The following MTCL1 variants were observed in gnomAD, a reference collection of about 807,000 sequenced individuals.
The protein encoded by MTCL1 is microtubule crosslinking factor 1, also known as microtubule cross-linking factor 1.
In MTCL1, 79 loss-of-function variants were observed where a neutral mutation model predicts 141.4. The ratio of observed to expected loss-of-function variants is 0.56; its 90% CI spans 0.47 to 0.67. The LOEUF is 0.67. Ranked by LOEUF, MTCL1 falls within the 30% of genes least tolerant of loss-of-function variation. The probability of loss-of-function intolerance (pLI) is 0.00; values close to 1 mark genes in which losing one functional copy is unlikely to be tolerated. For missense variants in MTCL1, 2,177 were observed against 2,113.9 expected, an observed-to-expected ratio of 1.03 and a Z score of -0.59; for synonymous variants, 914 against 875.8, an observed-to-expected ratio of 1.04 and a Z score of -0.77.
At chr18:8,730,623 C>T (rs962273593) in intron 4 of MTCL1, among the ~76,000 whole-genome samples, 14 of 152,206 alleles carry the variant, frequency 9.2e-5, no homozygotes, top group South Asian at 4.1e-4. Flanking sequence ...GCTTGGACAA[C>T]GCCGGCTTGT....
At position 8,753,341 on chromosome 18, in the gene MTCL1, G is replaced by A. The variant is rs932106100; in HGVS notation, c.358-24492G>A. Among the ~76,000 whole-genome samples, 5 of 152,210 alleles carry A rather than the reference G, an allele frequency of 3.3e-5. No individual in the cohort carries two copies. In the East Asian group the frequency reaches 9.6e-4, roughly 29 times the overall value. The stretch of plus-strand genomic sequence containing the variant: ...ATTGTTTGAAATAAAGGTATTGACA[G>A]ATCTGGGATTTGATTTTACTGTACT... On this transcript the variant is annotated intron_variant, in intron 4 of 16. Coordinates refer to ENST00000359865, the Ensembl canonical transcript of MTCL1.
chr18:8,765,306 GAC>G (rs993689034), intron 4 of MTCL1, among the ~76,000 whole-genome samples: 5 of 152,250 alleles, frequency 3.3e-5, no homozygotes, highest in African/African-American at 1.2e-4. Context: ...CTATGCCAGA[GAC>G]ACACTCACGC....
chr18:8,825,353 T>A, exon 15 of MTCL1: 3 of 1,537,742 alleles, frequency 2.0e-6, no homozygotes, highest in Non-Finnish European at 2.6e-6. Context: ...AGAACTTGAG[T>A]GATGACATGA....
At chr18:8,751,699 G>A (rs1316997617) in intron 4 of MTCL1, among the ~76,000 whole-genome samples, 1 of 152,202 alleles carries the variant, frequency 6.6e-6, no homozygotes, top group Non-Finnish European at 1.5e-5. Flanking sequence ...GATGTGGGGG[G>A]TACAGTTGAA....
rs757300703 is a variant in MTCL1 at position 8,779,366 on chromosome 18, C to G, written c.417+1474C>G. Among the ~76,000 whole-genome samples the G allele has an allele frequency of 9.2e-5, 14 of 152,170 alleles. No individual in the cohort carries two copies. Among genetic ancestry groups the G allele is most frequent in the Non-Finnish European group, 1.6e-4 (11 of 68,022 alleles). On this transcript the variant is annotated intron_variant, in intron 5 of 16. Coordinates refer to ENST00000359865, the Ensembl canonical transcript of MTCL1. The surrounding 1 kb of genome is among the most constrained non-coding windows in gnomAD (Gnocchi z 4.1). ...TTCCTGGGGCTATCCAATGATCTCT[C>G]GAAACCAGAAATGATATGCTTCAGT...
chr18:8,778,292 T>C (rs1311397451), intron 5 of MTCL1, among the ~76,000 whole-genome samples: 2 of 152,258 alleles, frequency 1.3e-5, no homozygotes, highest in Non-Finnish European at 2.9e-5. Flanking sequence ...TGTTGTTTTT[T>C]AAATGTGCAA....
At chr18:8,827,901 CGTAAA>C (rs1291066139) in intron 15 of MTCL1, among the ~76,000 whole-genome samples, 4 of 152,144 alleles carry the variant, frequency 2.6e-5, no homozygotes, top group African/African-American at 7.2e-5. Flanking sequence ...TTTTGTCCTC[CGTAAA>C]GTATTCATTT....
upstream of MTCL1, among the ~76,000 whole-genome samples, chr18:8,715,860 C>T (rs2096125429): frequency 6.6e-6 from 1 of 152,162 alleles, no homozygotes; most frequent in South Asian, 2.1e-4. Flanking sequence ...TAACAACCTC[C>T]TGTTTGTGGA....
At chr18:8,792,311 G>C (rs2075758609) in intron 7 of MTCL1, among the ~76,000 whole-genome samples, 1 of 152,148 alleles carries the variant, frequency 6.6e-6, no homozygotes, top group Admixed American at 6.5e-5. Flanking sequence ...GAACATAAAA[G>C]GTAGACTTTA....
At chr18:8,814,244 G>C (rs590190) in intron 12 of MTCL1, among the ~76,000 whole-genome samples, 147,907 of 152,276 alleles carry the variant, frequency 0.97, 71,986 homozygotes, top group East Asian at 1. Flanking sequence ...AGACCAAGAG[G>C]CTTTGGCTTG....
At chr18:8,733,858 C>CA (rs2096263496) in intron 4 of MTCL1, among the ~76,000 whole-genome samples, 1 of 152,198 alleles carries the variant, frequency 6.6e-6, no homozygotes, top group Non-Finnish European at 1.5e-5. Context: ...AAGTAACACT[C>CA]AGAGTTTCTT....
At chr18:8,710,457 C>CTTTTTTTTTTTTTT (rs59830434) in intron 1 of MTCL1, among the ~76,000 whole-genome samples, 1 of 121,818 alleles carries the variant, frequency 8.2e-6, no homozygotes, top group Non-Finnish European at 1.7e-5. Flanking sequence ...CAGGCACTTT[C>CTTTTTTTTTTTTTT]TTTTTTTTTT....
chr18:8,791,653 T>C (rs1214143173), intron 7 of MTCL1, among the ~76,000 whole-genome samples: 2 of 152,024 alleles, frequency 1.3e-5, no homozygotes, highest in African/African-American at 2.4e-5. Context: ...AGACCACACA[T>C]TTTCTAAATA....
intron 4 of MTCL1, 67 bp downstream of exon 3, chr18:8,720,563 C>T (rs2096163711): frequency 1.3e-6 from 2 of 1,487,916 alleles, no homozygotes; most frequent in African/African-American, 1.4e-5. Context: ...ACTCCAAGTG[C>T]CCCCTTCTCA....
exon 15 of MTCL1, chr18:8,825,876 G>A (rs1404335700): frequency 8.7e-6 from 14 of 1,614,072 alleles, no homozygotes; most frequent in Non-Finnish European, 1.2e-5. Flanking sequence ...CAGCCCCGTG[G>A]TGCAGGACCC....
intron 4 of MTCL1, among the ~76,000 whole-genome samples, chr18:8,728,424 G>A (rs895543312): frequency 6.6e-6 from 1 of 152,114 alleles, no homozygotes; most frequent in Admixed American, 6.5e-5. Flanking sequence ...TTGCTGTAGA[G>A]AGGTCTGCTG....
chr18:8,722,460 T>G (rs1456228795), intron 4 of MTCL1, among the ~76,000 whole-genome samples: 1 of 152,228 alleles, frequency 6.6e-6, no homozygotes, highest in Non-Finnish European at 1.5e-5. Flanking sequence ...AATAATAGCC[T>G]ACTGTAGACT....
In MTCL1 at chr18:8,705,936, C is replaced by T. The variant is rs2096057247; in HGVS notation, c.276C>T (p.Ala92=). Residue 92 remains alanine, a synonymous_variant, in exon 1 of 14, where the codon GCC becomes GCT. Coordinates refer to the MTCL1 transcript ENST00000306329. This position sits in a 1 kb window ranked among gnomAD's most constrained non-coding sequence, Gnocchi z 5.2. ...CGCCGCCCTCGCCGGGGTCCCTGGCCGCGCCCGGCCGCCTCTCTCGGCGCA... is the reference window on the plus strand; with the variant it reads ...CGCCGCCCTCGCCGGGGTCCCTGGCTGCGCCCGGCCGCCTCTCTCGGCGCA... The T allele has an allele frequency of 9.2e-7, 1 of 1,088,618 alleles. No homozygotes were observed. Among genetic ancestry groups the T allele is most frequent in the Non-Finnish European group, 1.1e-6 (1 of 898,852 alleles). 67.4% of individuals were successfully genotyped at this position (1,088,618 alleles called of 1,614,324 possible).
chr18:8,746,101 T>G (rs1459969005), intron 4 of MTCL1, among the ~76,000 whole-genome samples: 1 of 152,200 alleles, frequency 6.6e-6, no homozygotes, highest in African/African-American at 2.4e-5. Flanking sequence ...CTAAATAATA[T>G]TCTATGGTAC....
Sources: allele counts gnomAD v4.1 joint callset (sites outside exome capture counted in the v4.1 genomes callset), GRCh38; gene constraint gnomAD v4.1.1; non-coding constraint Gnocchi (gnomAD v3.1); transcripts MANE v1.5; gene names NCBI Gene and HGNC (gene_info 2026-07-23, HGNC 2026-07-21).